The following IQSEC1 variants were observed in gnomAD, a reference collection of about 807,000 sequenced individuals.
The protein encoded by IQSEC1 is IQ motif and Sec7 domain ArfGEF 1, also known as IQ motif and SEC7 domain-containing protein 1.
A neutral mutation model predicts 91.0 loss-of-function variants in IQSEC1; 31 were observed. The ratio of observed to expected loss-of-function variants is 0.34; its 90% CI spans 0.26 to 0.46. The LOEUF (loss-of-function observed/expected upper bound fraction) is 0.46. Ranked by LOEUF, IQSEC1 falls within the 20% of genes least tolerant of loss-of-function variation. The pLI is 1.00. For synonymous variants in IQSEC1, 699 were observed against 662.6 expected, an observed-to-expected ratio of 1.05 and a Z score of -0.84; for missense variants, 1,388 against 1,575.6, an observed-to-expected ratio of 0.88 and a Z score of 2.02.
At chr3:13,089,527 G>A (rs999357648) in intron 2 of IQSEC1, among the ~76,000 whole-genome samples, 2 of 152,214 alleles carry the variant, frequency 1.3e-5, no homozygotes, top group Non-Finnish European at 2.9e-5. Context: ...CAAGGCTTCA[G>A]TGAGCTGTGT....
At chr3:12,926,258 C>T (rs906390476) in intron 3 of IQSEC1, among the ~76,000 whole-genome samples, 3 of 151,332 alleles carry the variant, frequency 2.0e-5, no homozygotes, top group South Asian at 2.1e-4. Flanking sequence ...TACGGTGAGC[C>T]GAGATTGTAC....
intron 1 of IQSEC1, among the ~76,000 whole-genome samples, chr3:13,187,066 T>A (rs372281573): frequency 2.0e-5 from 3 of 151,988 alleles, no homozygotes; most frequent in East Asian, 3.9e-4. Flanking sequence ...TTTCTATCCC[T>A]CTTACTTTCT....
chr3:13,226,908 C>A (rs1227845492), intron 1 of IQSEC1, among the ~76,000 whole-genome samples: 3 of 152,146 alleles, frequency 2.0e-5, no homozygotes, highest in Admixed American at 2.0e-4. Flanking sequence ...GCCTCCACCC[C>A]CAAGGACTGG....
intron 1 of IQSEC1, among the ~76,000 whole-genome samples, chr3:13,015,270 A>T (rs568783407): frequency 6.6e-6 from 1 of 152,138 alleles, no homozygotes; most frequent in Non-Finnish European, 1.5e-5. Context: ...CCTGCCATCC[A>T]GGTGGGCTGC....
intron 1 of IQSEC1, among the ~76,000 whole-genome samples, chr3:13,066,700 C>T (rs74511153): frequency 0.014 from 2,135 of 152,310 alleles, 52 homozygotes; most frequent in African/African-American, 0.049. Flanking sequence ...GCGCCCACTG[C>T]CCCACCCCGT....
chr3:13,105,819 G>T (rs1706142912), intron 2 of IQSEC1, among the ~76,000 whole-genome samples: 1 of 152,186 alleles, frequency 6.6e-6, no homozygotes, highest in Admixed American at 6.5e-5. Flanking sequence ...CCCTCTCCAT[G>T]TGGGGAGGTG....
intron 2 of IQSEC1, among the ~76,000 whole-genome samples, chr3:12,937,281 T>C (rs1219084231): frequency 6.6e-6 from 1 of 152,186 alleles, no homozygotes; most frequent in African/African-American, 2.4e-5. Flanking sequence ...GTGTCCCCAG[T>C]GTCTTGGGTC....
At chr3:13,153,637 C>T in intron 2 of IQSEC1, among the ~76,000 whole-genome samples, 1 of 152,162 alleles carries the variant, frequency 6.6e-6, no homozygotes, top group East Asian at 1.9e-4. Context: ...ACAATGGAGC[C>T]CTGCCAGACC....
At chr3:13,252,728 G>GTTTTTTTT (rs558834911) in intron 1 of IQSEC1, among the ~76,000 whole-genome samples, 45 of 117,986 alleles carry the variant, frequency 3.8e-4, no homozygotes, top group African/African-American at 2.1e-3. Context: ...GTTTTTTTTT[G>GTTTTTTTT]TTTTTGTTTG....
At chr3:13,080,163 T>C (rs1448829743) in intron 2 of IQSEC1, among the ~76,000 whole-genome samples, 2 of 152,028 alleles carry the variant, frequency 1.3e-5, no homozygotes, top group Non-Finnish European at 2.9e-5. Flanking sequence ...AGGAGGGACA[T>C]GGTGAGGTTT....
chr3:12,947,608 G>A (rs976224571), intron 1 of IQSEC1, among the ~76,000 whole-genome samples: 2 of 152,178 alleles, frequency 1.3e-5, no homozygotes, highest in Admixed American at 6.5e-5. Flanking sequence ...CCATGAGCAG[G>A]AGGCCTGCTC....
intron 1 of IQSEC1, among the ~76,000 whole-genome samples, chr3:13,254,055 C>T (rs1235449579): frequency 6.6e-6 from 1 of 152,272 alleles, no homozygotes; most frequent in Non-Finnish European, 1.5e-5. Context: ...ACTGTCGCAT[C>T]TGAGGACAGA....
At chr3:13,227,653 G>A (rs1362242202) in intron 1 of IQSEC1, among the ~76,000 whole-genome samples, 1 of 152,092 alleles carries the variant, frequency 6.6e-6, no homozygotes, top group Non-Finnish European at 1.5e-5. Context: ...CGTTCTTAAG[G>A]CTACAACCAG....
intron 6 of IQSEC1, among the ~76,000 whole-genome samples, chr3:12,916,272 G>A (rs561681366): frequency 6.6e-6 from 1 of 152,322 alleles, no homozygotes; most frequent in Non-Finnish European, 1.5e-5. Context: ...AACGAGGGGC[G>A]CCTGGGGCGT....
upstream of IQSEC1, among the ~76,000 whole-genome samples, chr3:13,075,823 G>T (rs965701091): frequency 6.6e-6 from 1 of 152,198 alleles, no homozygotes. Flanking sequence ...TCCAAAAAGC[G>T]TGGAGCTGGG....
intron 2 of IQSEC1, among the ~76,000 whole-genome samples, chr3:13,116,585 C>A (rs1706339608): frequency 6.6e-6 from 1 of 152,056 alleles, no homozygotes; most frequent in South Asian, 2.1e-4. Context: ...GAAGCTGGAC[C>A]CTTCCATGAC....
rs547444104 is a variant in IQSEC1, at chr3:13,032,835, C to T, written c.23+40157G>A. Among the ~76,000 whole-genome samples the T allele has an allele frequency of 1.4e-4, 21 of 152,236 alleles. No homozygotes were observed. The South Asian group carries it at 1.9e-3, about 14-fold the overall frequency. On this transcript the variant is annotated intron_variant, in intron 1 of 13. Coordinates refer to ENST00000613206, the MANE Select transcript of IQSEC1 (RefSeq NM_001134382.3). ...TCCTGACCTCGTGATCCGCCTGCCT[C>T]GGCCTCCCAAAGTGCTGGGATTACA...
Position 13,165,578 on chromosome 3 carries a change from G to GTGTC in IQSEC1, c.273-1449_273-1446dup, listed in dbSNP as rs1175748332. 2.3e-4 allele frequency among the ~76,000 whole-genome samples: 24 copies of GTGTC among 105,726 alleles called. 2 individuals carry two copies. The highest frequency in any genetic ancestry group is 5.3e-4 in the African/African-American group (13 of 24,608). The allele number at this position is 105,726 out of a possible 152,430, so 69.4% of individuals were successfully genotyped here. On this transcript the variant is annotated intron_variant, in intron 1 of 15. Transcript: ENST00000648114. ...TGTGTGTGTGTGTGTGTGTGTGTGTGTGTCTGTCTGTCTTCACTTCATCGC... is the reference window on the plus strand; with the variant it reads ...TGTGTGTGTGTGTGTGTGTGTGTGTGTGTCTGTCTGTCTGTCTTCACTTCATCGC...
intron 1 of IQSEC1, among the ~76,000 whole-genome samples, chr3:13,038,740 ACT>A (rs1231066725): frequency 1.3e-5 from 2 of 151,904 alleles, no homozygotes; most frequent in African/African-American, 4.8e-5. Flanking sequence ...GGGACACAGG[ACT>A]CTCACCCACT....
Sources: allele counts gnomAD v4.1 joint callset (sites outside exome capture counted in the v4.1 genomes callset), GRCh38; gene constraint gnomAD v4.1.1; transcripts MANE v1.5; gene names NCBI Gene and HGNC (gene_info 2026-07-23, HGNC 2026-07-21).